The following OGDHL variants were observed in gnomAD, a reference collection of about 807,000 sequenced individuals.
The protein encoded by OGDHL is 2-oxoglutarate dehydrogenase-like, mitochondrial.
A neutral mutation model predicts 109.6 loss-of-function variants in OGDHL; 79 were observed. That is an observed-to-expected ratio of 0.72 (90% CI 0.60 to 0.87). The LOEUF is 0.87. Ranked by LOEUF, OGDHL falls within the 40% of genes least tolerant of loss-of-function variation. OGDHL has a pLI of 0.00. For synonymous variants in OGDHL, 528 were observed against 537.2 expected (o/e 0.98, Z 0.24); for missense variants, 1,275 against 1,362.2 (o/e 0.94, Z 1.01).
chr10:49,756,862 T>C lies in OGDHL; in HGVS notation c.289A>G (p.Ser97Gly), dbSNP rs1564560160. Residue 97 changes from serine (S) to glycine (G), a missense_variant, in exon 3 of 23, where the codon AGC becomes GGC. Coordinates refer to ENST00000374103, the MANE Select transcript of OGDHL (RefSeq NM_018245.3). ...GTCCGACTTGAGACTGCAGACCTGC[T>C]CTCATGGACAACAGAAGGGGGCCGT... ...QPRPPSVVHESRSAVSSRTKT... is the reference protein window; with the variant it reads ...QPRPPSVVHEGRSAVSSRTKT... The C allele has an allele frequency of 1.2e-6, 2 of 1,614,048 alleles. No individual in the cohort carries two copies. The highest frequency in any genetic ancestry group is 1.7e-6 in the Non-Finnish European group (2 of 1,179,990).
intron 15 of OGDHL, 40 bp downstream of exon 15, chr10:49,742,788 C>T: frequency 6.3e-7 from 1 of 1,588,948 alleles, no homozygotes; most frequent in South Asian, 1.1e-5. Flanking sequence ...AGCTTCTGCT[C>T]CAGGTCTCCT....
chr10:49,739,995 A>G (rs1470253397), intron 16 of OGDHL, among the ~76,000 whole-genome samples, 156 bp from the exon 17 acceptor site: 3 of 152,124 alleles, frequency 2.0e-5, no homozygotes, highest in Non-Finnish European at 2.9e-5. Flanking sequence ...CAAAGGGTAC[A>G]ATGTACCATC....
chr10:49,742,407 AC>A, intron 15 of OGDHL, among the ~76,000 whole-genome samples: 3 of 144,314 alleles, frequency 2.1e-5, no homozygotes, highest in Admixed American at 6.9e-5. Flanking sequence ...CACACCACAC[AC>A]ACCATACACA....
intron 8 of OGDHL, among the ~76,000 whole-genome samples, chr10:49,748,742 CCACACACACACA>C (rs3223401): frequency 1.1e-4 from 15 of 133,954 alleles, no homozygotes; most frequent in South Asian, 5.3e-4. Context: ...AGGTATGGGT[CCACACACACACA>C]CACACACACA....
rs1223438173 is a variant in OGDHL, at chr10:49,735,467, A to G, written c.2910-116T>C. The G allele has an allele frequency of 7.1e-6, 9 of 1,270,618 alleles. No individual in the cohort carries two copies. In the East Asian group the frequency reaches 1.4e-4, roughly 20 times the overall value. The allele number at this position is 1,270,618 out of a possible 1,614,324, so 78.7% of individuals were successfully genotyped here. A position where few individuals can be genotyped will look rare whatever the true frequency, so the allele number is the denominator to read the frequency against. Reference sequence around the variant, plus strand: ...TGAGAACCGCTGACCTCGAAGCCATAGACCCTGCCTTTTGGCCCTGGCACC... The same window carrying G: ...TGAGAACCGCTGACCTCGAAGCCATGGACCCTGCCTTTTGGCCCTGGCACC... On this transcript the variant is annotated intron_variant, in intron 22 of 22. Coordinates refer to ENST00000374103, the MANE Select transcript of OGDHL (RefSeq NM_018245.3).
rs780740018 is a variant in OGDHL at position 49,738,228 on chromosome 10, A to C, written c.2354T>G (p.Phe785Cys). The change falls in exon 18 of 23, where the codon TTC (phenylalanine) becomes TGC (cysteine). Residue 785 changes from phenylalanine (F) to cysteine (C), a missense_variant. By Grantham distance (205) the Phe-to-Cys change is radical (BLOSUM62 -2). Transcript: ENST00000374103. ...CGAGTCATCATTGCTCATCTGCAGG[A>C]ACCTTTCGGGCCTCGCTGACGAGTG... is the stretch of plus-strand genomic sequence containing the variant. ...PEHSSARPER[F>C]LQMSNDDSDA... 1.9e-6 allele frequency: 3 copies of C among 1,613,624 alleles called. No individual in the cohort carries two copies. The highest frequency in any genetic ancestry group is 2.7e-5 in the African/African-American group (2 of 74,910).
Position 49,737,840 on chromosome 10 carries a change from T to C in OGDHL, c.2536A>G (p.Lys846Glu). ...GCCTCTGGGTGCCTCAGCAGAGATT[T>C]AGGTGTGAAGATAATCAGCTGGAAG... ...FRKPLIIFTP[K>E]SLLRHPEAKS... The change falls in exon 20 of 23, where the codon AAA becomes GAA. Residue 846 changes from lysine (K) to glutamate (E), a missense_variant. Transcript: ENST00000374103. The C allele has an allele frequency of 6.2e-7, 1 of 1,614,146 alleles. No homozygotes were observed. Among genetic ancestry groups the C allele is most frequent in the Non-Finnish European group, 8.5e-7 (1 of 1,180,026 alleles).
chr10:49,735,391 A>T, intron 22 of OGDHL, 40 bp from the exon 23 acceptor site: 1 of 1,599,950 alleles, frequency 6.3e-7, no homozygotes, highest in Non-Finnish European at 8.5e-7. Flanking sequence ...GGCGGGGCCT[A>T]GCCGCCCCCC....
intron 17 of OGDHL, 119 bp from the exon 18 acceptor site, chr10:49,738,381 C>A: frequency 1.0e-6 from 1 of 975,692 alleles, no homozygotes; most frequent in East Asian, 2.6e-5. Context: ...GTGCCCTCAC[C>A]CTGGAGCCTG....
At chr10:49,753,558 C>G (rs1761125711) in intron 3 of OGDHL, among the ~76,000 whole-genome samples, 1 of 152,110 alleles carries the variant, frequency 6.6e-6, no homozygotes. Context: ...AAAAATTCAT[C>G]AAGTCTTTTT....
chr10:49,761,436 G>A (rs1015482563), intron 1 of OGDHL, among the ~76,000 whole-genome samples: 5 of 152,204 alleles, frequency 3.3e-5, no homozygotes, highest in Admixed American at 6.5e-5. Flanking sequence ...CTCCCCAGAG[G>A]GCCCTCCAAG....
Position 49,762,323 on chromosome 10 carries a change from T to C in OGDHL, c.-86A>G, listed in dbSNP as rs991962873. ...GCGCGGAAGGGGTGCGCGCGCGCCGTGCCAATTACCTGGGTCACGTGACGC... is the reference window on the plus strand; with the variant it reads ...GCGCGGAAGGGGTGCGCGCGCGCCGCGCCAATTACCTGGGTCACGTGACGC... On this transcript the variant is annotated 5_prime_UTR_variant, in exon 1 of 23. Transcript: ENST00000374103. 21 of 152,090 alleles carry C rather than the reference T, an allele frequency of 1.4e-4. No homozygotes were observed. The highest frequency in any genetic ancestry group is 5.1e-4 in the African/African-American group (21 of 41,430). 9.4% of individuals were successfully genotyped at this position (152,090 alleles called of 1,614,324 possible).
rs1055683515 is a variant in OGDHL at position 49,739,845 on chromosome 10, C to T, written c.2141-6G>A. On this transcript the variant is annotated splice_region_variant and splice_polypyrimidine_tract_variant and intron_variant, in intron 16 of 22. Transcript: ENST00000374103. The stretch of plus-strand genomic sequence containing the variant: ...GGCATAGCCCAGCTCAAAGCCTAAA[C>T]AGAAGACAAGATAGAGCTTGCTGCA... 1 of 1,611,062 alleles carries T rather than the reference C, an allele frequency of 6.2e-7. No individual in the cohort carries two copies. Among genetic ancestry groups the T allele is most frequent in the Non-Finnish European group, 8.5e-7 (1 of 1,178,464 alleles).
intron 13 of OGDHL, 82 bp from the exon 14 acceptor site, chr10:49,744,204 G>A (rs1423777079): frequency 1.3e-6 from 2 of 1,540,132 alleles, no homozygotes; most frequent in Non-Finnish European, 1.8e-6. Context: ...CCAGGACTGA[G>A]TGGCCCATGG....
Position 49,740,793 on chromosome 10 carries a change from G to T in OGDHL, c.2057C>A (p.Thr686Lys). Residue 686 changes from threonine to lysine, a missense_variant, in exon 16 of 23, where the codon ACG becomes AAG. By Grantham distance (78) the Thr-to-Lys change is moderately conservative. Transcript: ENST00000374103. Reference protein sequence around the residue: ...VLHDQEVDRRTCVPMNHLWPD... With the variant: ...VLHDQEVDRRKCVPMNHLWPD... Reference sequence around the variant, plus strand: ...CCAGAGATGATTCATAGGCACACACGTCCTGCGGTCAACCTCCTGGTCATG... The same window carrying T: ...CCAGAGATGATTCATAGGCACACACTTCCTGCGGTCAACCTCCTGGTCATG... 6.2e-7 allele frequency: 1 copy of T among 1,613,932 alleles called. No individual in the cohort carries two copies. The highest frequency in any genetic ancestry group is 1.7e-4 in the Middle Eastern group (1 of 6,058).
chr10:49,757,144 A>G (rs1842967940), intron 2 of OGDHL, among the ~76,000 whole-genome samples, 198 bp from the exon 3 acceptor site: 1 of 152,270 alleles, frequency 6.6e-6, no homozygotes, highest in African/African-American at 2.4e-5. Context: ...AAAACAACCT[A>G]CATGGCTATC....
rs1015877330 is a variant in OGDHL at position 49,735,078 on chromosome 10, C to T, written c.*150G>A. 1.2e-5 allele frequency: 11 copies of T among 922,662 alleles called. No homozygotes were observed. Among genetic ancestry groups the T allele is most frequent in the African/African-American group, 6.7e-5 (4 of 59,816 alleles). The allele number at this position is 922,662 out of a possible 1,614,324, so 57.2% of individuals were successfully genotyped here. A position where few individuals can be genotyped will look rare whatever the true frequency, so the allele number is the denominator to read the frequency against. On this transcript the variant is annotated 3_prime_UTR_variant, in exon 23 of 23. Coordinates refer to ENST00000374103, the MANE Select transcript of OGDHL (RefSeq NM_018245.3). ...GATTCTGGCATGACACCAAGGCCAG[C>T]AGTGCTGGCTCTTGGCCCTGTCACT...
rs533241415 is a variant in OGDHL at position 49,756,600 on chromosome 10, G to A, written c.375+176C>T. On this transcript the variant is annotated intron_variant, in intron 3 of 22. Coordinates refer to ENST00000374103, the MANE Select transcript of OGDHL (RefSeq NM_018245.3). ...AAAAAAATTCAAGCAGGTGGTAAGT[G>A]CTCTGAATGGTGATGTGGCAAAGAC... is the stretch of plus-strand genomic sequence containing the variant. 38 of 573,544 alleles carry A rather than the reference G, an allele frequency of 6.6e-5. No individual in the cohort carries two copies. In the African/African-American group the frequency reaches 6.7e-4, roughly 10 times the overall value. The allele number at this position is 573,544 out of a possible 1,614,324, so 35.5% of individuals were successfully genotyped here.
intron 10 of OGDHL, 117 bp from the exon 11 acceptor site, chr10:49,746,094 A>G: frequency 8.7e-7 from 1 of 1,146,902 alleles, no homozygotes; most frequent in Non-Finnish European, 1.2e-6. Flanking sequence ...GCCCAGGAGG[A>G]ATGTGGGACA....
Sources: gnomAD v4.1 joint callset for allele counts (sites outside exome capture counted in the v4.1 genomes callset) on GRCh38, gnomAD v4.1.1 for gene constraint, MANE v1.5 for transcripts, NCBI Gene and HGNC (gene_info 2026-07-23, HGNC 2026-07-21) for gene names.